Variants in ATG7 observed in about 807,000 individuals in gnomAD.
ATG7 encodes ubiquitin-like modifier-activating enzyme ATG7.
ATG7 carries 70 observed loss-of-function variants against 82.4 expected under a neutral mutation model. The ratio of observed to expected loss-of-function variants is 0.85; its 90% CI spans 0.70 to 1.04. The LOEUF is 1.04. Among genes scored for constraint, ATG7 ranks in the 50% least tolerant of loss-of-function variants. ATG7 has a pLI of 0.00. For missense variants in ATG7, 792 were observed against 864.3 expected, an observed-to-expected ratio of 0.92 and a Z score of 1.05; for synonymous variants, 287 against 313.0, an observed-to-expected ratio of 0.92 and a Z score of 0.88.
chr3:11,486,043 A>G (rs1027223789), intron 20 of ATG7, among the ~76,000 whole-genome samples: 1 of 152,116 alleles, frequency 6.6e-6, no homozygotes, highest in African/African-American at 2.4e-5. Context: ...TTGGTTCCAT[A>G]TGAACTTTTA....
intron 18 of ATG7, among the ~76,000 whole-genome samples, chr3:11,372,792 T>G (rs2077090486): frequency 6.8e-6 from 1 of 147,896 alleles, no homozygotes. Context: ...AGTTGGTAGG[T>G]AAGGGCTGGG....
At chr3:11,442,471 C>T (rs1205880047) in intron 20 of ATG7, among the ~76,000 whole-genome samples, 2 of 151,902 alleles carry the variant, frequency 1.3e-5, no homozygotes, top group Non-Finnish European at 2.9e-5. Context: ...GGATATATAT[C>T]ATAGGCCTTT....
the ATG7 span, chr3:11,568,537 A>T: frequency 6.5e-7 from 1 of 1,546,904 alleles, no homozygotes; most frequent in Non-Finnish European, 8.8e-7. The surrounding 1 kb of genome is among the most constrained non-coding windows in gnomAD (Gnocchi z 5.9). Flanking sequence ...AGACAAAGAC[A>T]CTGAAAACAG....
At chr3:11,467,557 G>T (rs2086962932) in intron 20 of ATG7, among the ~76,000 whole-genome samples, 1 of 152,146 alleles carries the variant, frequency 6.6e-6, no homozygotes, top group Non-Finnish European at 1.5e-5. Context: ...TGTATTTTTA[G>T]TAGAGGCGGG....
Position 11,380,058 on chromosome 3 carries a change from T to C in ATG7, c.1956+6T>C. On this transcript the variant is annotated splice_donor_region_variant and intron_variant, in intron 19 of 20. Transcript: ENST00000693202. Reference sequence around the variant, plus strand: ...GTACAGCTTGTTCTTCCAAAGTAAGTCATTTTGTATTGGAGGGACTTGTTT... The same window carrying C: ...GTACAGCTTGTTCTTCCAAAGTAAGCCATTTTGTATTGGAGGGACTTGTTT... 1 of 1,612,400 alleles carries C rather than the reference T, an allele frequency of 6.2e-7. No individual in the cohort carries two copies. The highest frequency in any genetic ancestry group is 1.1e-5 in the South Asian group (1 of 91,036).
intron 19 of ATG7, among the ~76,000 whole-genome samples, chr3:11,403,548 G>GT: frequency 6.6e-6 from 1 of 152,204 alleles, no homozygotes; most frequent in South Asian, 2.1e-4. Flanking sequence ...CTTTTATGTA[G>GT]TTTTTAAGGT....
At chr3:11,377,258 C>T (rs2077490028) in intron 18 of ATG7, among the ~76,000 whole-genome samples, 1 of 152,146 alleles carries the variant, frequency 6.6e-6, no homozygotes, top group Admixed American at 6.5e-5. Context: ...AATTGTGGGC[C>T]TTCTGATACA....
chr3:11,343,493 C>T (rs1426670350), intron 13 of ATG7, among the ~76,000 whole-genome samples: 2 of 151,752 alleles, frequency 1.3e-5, no homozygotes, highest in African/African-American at 4.8e-5. Flanking sequence ...GGCAATTAAC[C>T]TTTTTTCTGT....
At chr3:11,492,826 C>G (rs1422359083) in intron 20 of ATG7, among the ~76,000 whole-genome samples, 1 of 152,274 alleles carries the variant, frequency 6.6e-6, no homozygotes, top group Non-Finnish European at 1.5e-5. Context: ...TGACTGGCCA[C>G]TTTGGTGCTG....
chr3:11,550,114 G>A (rs2071636329), intron 20 of ATG7, among the ~76,000 whole-genome samples: 1 of 151,766 alleles, frequency 6.6e-6, no homozygotes, highest in Non-Finnish European at 1.5e-5. Flanking sequence ...CTAAATACAA[G>A]TTCTTTTAAT....
At chr3:11,518,951 T>G (rs1050652991) in intron 20 of ATG7, among the ~76,000 whole-genome samples, 1 of 152,194 alleles carries the variant, frequency 6.6e-6, no homozygotes, top group African/African-American at 2.4e-5. Context: ...AGCTCTGCAA[T>G]TCTAGCCTAA....
chr3:11,340,586 G>T lies in ATG7; in HGVS notation c.890-59G>T, dbSNP rs1953388117. On this transcript the variant is annotated intron_variant, in intron 11 of 20. Transcript: ENST00000693202. ...TCTTTTTTATGTAAGGTCGTTGCTT[G>T]ATCTGCTTGTTTTTATTCTTCCCTC... The T allele has an allele frequency of 2.7e-6, 4 of 1,467,670 alleles. No individual in the cohort carries two copies. In the African/African-American group the frequency reaches 5.6e-5, roughly 21 times the overall value. The allele number at this position is 1,467,670 out of a possible 1,614,324, so 90.9% of individuals were successfully genotyped here.
rs9855986 is a variant in ATG7, at chr3:11,555,803, G to T, written c.*960G>T. The T allele has an allele frequency of 6.6e-6, 1 of 152,230 alleles. No homozygotes were observed. The highest frequency in any genetic ancestry group is 1.5e-5 in the Non-Finnish European group (1 of 68,066). The allele number at this position is 152,230 out of a possible 1,614,324, so 9.4% of individuals were successfully genotyped here. A position where few individuals can be genotyped will look rare whatever the true frequency, so the allele number is the denominator to read the frequency against. The stretch of plus-strand genomic sequence containing the variant: ...TGTGACCACCCTGCCCCCGTGTAGA[G>T]GGCATCGTCTTTCCTGCTATTTTAT... On this transcript the variant is annotated 3_prime_UTR_variant, in exon 21 of 21. Transcript: ENST00000693202.
At chr3:11,397,992 G>A (rs1367222226) in intron 19 of ATG7, among the ~76,000 whole-genome samples, 4 of 151,292 alleles carry the variant, frequency 2.6e-5, no homozygotes, top group South Asian at 2.1e-4. Flanking sequence ...GCTAAGGCAG[G>A]AGAATTGCTG....
intron 20 of ATG7, among the ~76,000 whole-genome samples, chr3:11,484,537 TTTTC>T (rs1353547727): frequency 5.3e-5 from 8 of 152,148 alleles, no homozygotes; most frequent in Non-Finnish European, 1.2e-4. Context: ...ATCCAGGATA[TTTTC>T]TTTTTCTTTT....
chr3:11,307,392 A>T (rs1947925234), intron 6 of ATG7, among the ~76,000 whole-genome samples: 1 of 152,190 alleles, frequency 6.6e-6, no homozygotes, highest in Non-Finnish European at 1.5e-5. Context: ...CTGTGGCTGA[A>T]TGCCTCTAGG....
chr3:11,318,829 C>T (rs1055749139), intron 9 of ATG7, among the ~76,000 whole-genome samples: 1 of 152,202 alleles, frequency 6.6e-6, no homozygotes, highest in African/African-American at 2.4e-5. Context: ...TCCCTTCTGT[C>T]ACCTGGCTGC....
chr3:11,544,079 G>A lies in ATG7; in HGVS notation c.2080-10732G>A, dbSNP rs116855941. 9.8e-4 allele frequency among the ~76,000 whole-genome samples: 149 copies of A among 152,314 alleles called. 2 individuals carry two copies. In the East Asian group the frequency reaches 0.023, roughly 24 times the overall value. Reference sequence around the variant, plus strand: ...ACTCCTTCAGGCTGCTCATCTGCCCGCACCAGCAGTCTGAAGCAGTCACAC... The same window carrying A: ...ACTCCTTCAGGCTGCTCATCTGCCCACACCAGCAGTCTGAAGCAGTCACAC... On this transcript the variant is annotated intron_variant, in intron 20 of 20. Coordinates refer to ENST00000693202, the MANE Select transcript of ATG7 (RefSeq NM_001349232.2).
intron 20 of ATG7, among the ~76,000 whole-genome samples, chr3:11,440,573 C>T: frequency 6.6e-6 from 1 of 150,928 alleles, no homozygotes; most frequent in East Asian, 1.9e-4. Flanking sequence ...ATCCGCCCGC[C>T]TCGGCCTCCC....
Sources: gnomAD v4.1 joint callset for allele counts (sites outside exome capture counted in the v4.1 genomes callset) on GRCh38, gnomAD v4.1.1 for gene constraint, Gnocchi (gnomAD v3.1) non-coding constraint, MANE v1.5 for transcripts, NCBI Gene and HGNC (gene_info 2026-07-23, HGNC 2026-07-21) for gene names.